Variants in PTPN2 observed in about 807,000 individuals in gnomAD.
PTPN2 encodes the protein tyrosine-protein phosphatase non-receptor type 2.
Under a neutral mutation model 57.3 loss-of-function variants are expected in PTPN2, and 19 were observed. The observed-to-expected ratio is 0.33, with a 90% CI of 0.23 to 0.49. PTPN2 has a LOEUF of 0.49. Among genes scored for constraint, PTPN2 ranks in the 20% least tolerant of loss-of-function variants. The probability of loss-of-function intolerance (pLI) is 0.99; values close to 1 mark genes in which losing one functional copy is unlikely to be tolerated. For missense variants in PTPN2, 358 were observed against 501.1 expected (o/e 0.71, Z 2.73); for synonymous variants, 153 against 164.9 (o/e 0.93, Z 0.55).
intron 1 of PTPN2, among the ~76,000 whole-genome samples, chr18:12,870,258 CATAT>C (rs146860865): frequency 2.0e-5 from 2 of 99,588 alleles, no homozygotes; most frequent in Non-Finnish European, 3.8e-5. Flanking sequence ...TTAACTTTAG[CATAT>C]ATATATATAT....
intron 1 of PTPN2, among the ~76,000 whole-genome samples, chr18:12,865,731 G>C (rs144781887): frequency 0.016 from 2,468 of 151,902 alleles, 26 homozygotes; most frequent in Non-Finnish European, 0.026. Flanking sequence ...GAAGGCTGAG[G>C]AACGAGAATT....
intron 2 of PTPN2, among the ~76,000 whole-genome samples, chr18:12,837,271 T>C (rs537459438): frequency 5.3e-5 from 8 of 152,196 alleles, no homozygotes; most frequent in Non-Finnish European, 7.4e-5. Context: ...TGGTCTCAAA[T>C]AGATGAGACT....
Position 12,792,833 on chromosome 18 carries a change from T to G in PTPN2, c.*1445A>C. 2 of 808,114 alleles carry G rather than the reference T, an allele frequency of 2.5e-6. No individual in the cohort carries two copies. The highest frequency in any genetic ancestry group is 3.0e-6 in the Non-Finnish European group (2 of 668,564). 50.1% of individuals were successfully genotyped at this position (808,114 alleles called of 1,614,324 possible). On this transcript the variant is annotated 3_prime_UTR_variant, in exon 9 of 9. Transcript: ENST00000309660. ...CTTGAACTCCTGACCTCAGGTGATC[T>G]GCCCACTTCAGCCTCCCAAAGTGCT...
At chr18:12,874,614 G>A (rs1598896646) in intron 1 of PTPN2, among the ~76,000 whole-genome samples, 2 of 135,372 alleles carry the variant, frequency 1.5e-5, no homozygotes, top group East Asian at 2.5e-4. Flanking sequence ...CCGGCCAGCC[G>A]CCCCGTCCGG....
At chr18:12,877,564 G>A (rs2044530402) in intron 1 of PTPN2, among the ~76,000 whole-genome samples, 1 of 152,214 alleles carries the variant, frequency 6.6e-6, no homozygotes, top group Non-Finnish European at 1.5e-5. Flanking sequence ...AAGTGTTTTA[G>A]AATAAGACAG....
chr18:12,814,494 C>T, intron 6 of PTPN2, 139 bp from the exon 7 acceptor site: 1 of 681,486 alleles, frequency 1.5e-6, no homozygotes, highest in South Asian at 2.0e-5. Context: ...CCAGCTATAA[C>T]TGTTATGTAC....
intron 2 of PTPN2, among the ~76,000 whole-genome samples, chr18:12,852,097 T>C (rs1023028986): frequency 5.9e-5 from 9 of 151,808 alleles, no homozygotes; most frequent in Non-Finnish European, 1.0e-4. Context: ...TTATACAAGA[T>C]GGAAAAGTTC....
chr18:12,793,561 T>TA lies in PTPN2; in HGVS notation c.*716dup. The TA allele has an allele frequency of 4.1e-6, 4 of 979,770 alleles. No homozygotes were observed. Among genetic ancestry groups the TA allele is most frequent in the Non-Finnish European group, 4.9e-6 (4 of 824,286 alleles). 60.7% of individuals were successfully genotyped at this position (979,770 alleles called of 1,614,324 possible). On this transcript the variant is annotated 3_prime_UTR_variant, in exon 9 of 9. Transcript: ENST00000309660. ...TTGTTTCTTTGTTTGCTTTTCTTTT[T>TA]AAAATGGGGAAAACTGTAAAACATA...
At chr18:12,785,930 C>T (rs2040834172) in intron 9 of PTPN2, 1 of 1,190,406 alleles carries the variant, frequency 8.4e-7, no homozygotes, top group Non-Finnish European at 1.2e-6. Flanking sequence ...CATAAAAGGA[C>T]TAACAATGAA....
chr18:12,881,231 T>TC, intron 1 of PTPN2, among the ~76,000 whole-genome samples: 1 of 152,268 alleles, frequency 6.6e-6, no homozygotes, highest in South Asian at 2.1e-4. Flanking sequence ...GGTCAGGAGT[T>TC]CGAGACCAGC....
At chr18:12,825,772 C>T (rs768176111) in intron 5 of PTPN2, 38 bp downstream of exon 5, 4 of 1,561,504 alleles carry the variant, frequency 2.6e-6, no homozygotes, top group Non-Finnish European at 1.7e-6. Flanking sequence ...TTTAAACCAT[C>T]ATATAAAGTC....
chr18:12,830,100 A>ATTTTTTT (rs148424474), intron 4 of PTPN2, among the ~76,000 whole-genome samples: 3 of 147,618 alleles, frequency 2.0e-5, no homozygotes, highest in Non-Finnish European at 3.0e-5. Flanking sequence ...ATAATCCTTG[A>ATTTTTTT]TTTTTTTTTT....
chr18:12,788,432 C>CTT (rs71174142), downstream of PTPN2, among the ~76,000 whole-genome samples: 198 of 90,080 alleles, frequency 2.2e-3, 6 homozygotes, highest in Middle Eastern at 9.8e-3. Context: ...GGGATCAGGG[C>CTT]TTTTTTTTTT....
chr18:12,839,982 C>G (rs2042991475), intron 2 of PTPN2, among the ~76,000 whole-genome samples: 1 of 150,828 alleles, frequency 6.6e-6, no homozygotes, highest in Admixed American at 6.6e-5. Context: ...CCAAATATAT[C>G]ATTATTGTAA....
intron 2 of PTPN2, among the ~76,000 whole-genome samples, chr18:12,839,210 C>G (rs2042966301): frequency 6.6e-6 from 1 of 152,138 alleles, no homozygotes; most frequent in South Asian, 2.1e-4. Context: ...GGCACTACCT[C>G]TTCTCCAATT....
intron 2 of PTPN2, among the ~76,000 whole-genome samples, chr18:12,855,287 G>C (rs993686995): frequency 6.6e-6 from 1 of 152,148 alleles, no homozygotes; most frequent in Non-Finnish European, 1.5e-5. Flanking sequence ...AAAGGAAGTG[G>C]GGGCTGGGGT....
chr18:12,800,122 A>AG, intron 8 of PTPN2, among the ~76,000 whole-genome samples: 1 of 152,172 alleles, frequency 6.6e-6, no homozygotes, highest in East Asian at 1.9e-4. Context: ...ACACACACAC[A>AG]GACCCCATAA....
At chr18:12,841,230 C>A (rs1319594635) in intron 2 of PTPN2, among the ~76,000 whole-genome samples, 1 of 152,076 alleles carries the variant, frequency 6.6e-6, no homozygotes, top group Non-Finnish European at 1.5e-5. Context: ...AATGGTGTAG[C>A]GGCAGGACTG....
intron 7 of PTPN2, among the ~76,000 whole-genome samples, chr18:12,811,438 T>C (rs924149088): frequency 1.3e-4 from 20 of 152,124 alleles, no homozygotes; most frequent in Admixed American, 1.1e-3. Flanking sequence ...TCCCAGAATA[T>C]GCAACAAATT....
Sources: gnomAD v4.1 joint callset for allele counts (sites outside exome capture counted in the v4.1 genomes callset) on GRCh38, gnomAD v4.1.1 for gene constraint, MANE v1.5 for transcripts, NCBI Gene and HGNC (gene_info 2026-07-23, HGNC 2026-07-21) for gene names.